The following ATR variants were observed in gnomAD, a reference collection of about 807,000 sequenced individuals.
The protein encoded by ATR is ATR checkpoint kinase.
In ATR, 142 loss-of-function variants were observed where a neutral mutation model predicts 305.3. The observed-to-expected ratio is 0.47, with a 90% CI of 0.41 to 0.53. ATR has a LOEUF of 0.53. Ranked by LOEUF, ATR falls within the 20% of genes least tolerant of loss-of-function variation. The pLI is 0.00. For missense variants in ATR, 2,135 were observed against 3,133.1 expected, an observed-to-expected ratio of 0.68 and a Z score of 7.60; for synonymous variants, 1,050 against 1,068.1, an observed-to-expected ratio of 0.98 and a Z score of 0.33.
intron 36 of ATR, 22 bp downstream of exon 36, chr3:142,485,118 A>C: frequency 6.2e-7 from 1 of 1,613,598 alleles, no homozygotes; most frequent in Non-Finnish European, 8.5e-7. Context: ...TTAATCTGCA[A>C]ACATGCAGTT....
chr3:142,462,144 A>G (rs2071034436), intron 41 of ATR, 54 bp from the exon 42 acceptor site: 1 of 1,495,522 alleles, frequency 6.7e-7, no homozygotes, highest in Non-Finnish European at 9.2e-7. Flanking sequence ...AAATTTCTAA[A>G]TGTTATATCA....
chr3:142,473,941 AT>A (rs141622968), intron 36 of ATR, among the ~76,000 whole-genome samples: 54,803 of 114,656 alleles, frequency 0.48, 10,990 homozygotes, highest in Middle Eastern at 0.55. Flanking sequence ...AAGTTATTGG[AT>A]TTTTTTTTTT....
intron 10 of ATR, 70 bp from the exon 11 acceptor site, chr3:142,554,085 T>C (rs1577685980): frequency 1.5e-6 from 2 of 1,302,750 alleles, no homozygotes; most frequent in South Asian, 2.8e-5. Context: ...AAAAATATTG[T>C]CAACAAATAA....
At chr3:142,472,892 A>G (rs1246473317) in intron 36 of ATR, among the ~76,000 whole-genome samples, 2 of 152,080 alleles carry the variant, frequency 1.3e-5, no homozygotes, top group African/African-American at 4.8e-5. Flanking sequence ...CATCTGCCTG[A>G]GCCTCTCAAA....
chr3:142,508,930 A>AG (rs1219449532), intron 27 of ATR, among the ~76,000 whole-genome samples: 1 of 151,282 alleles, frequency 6.6e-6, no homozygotes, highest in Non-Finnish European at 1.5e-5. Context: ...TATCAAAAAA[A>AG]AAAAAAAAAA....
At chr3:142,470,318 ATT>A (rs2071231917) in intron 36 of ATR, 135 bp from the exon 37 acceptor site, 1 of 743,390 alleles carries the variant, frequency 1.3e-6, no homozygotes, top group African/African-American at 1.8e-5. Flanking sequence ...CCTAGAAGTT[ATT>A]TTTGACTCCT....
At chr3:142,548,146 A>T (rs1358143463) in intron 15 of ATR, among the ~76,000 whole-genome samples, 1 of 152,216 alleles carries the variant, frequency 6.6e-6, no homozygotes, top group Non-Finnish European at 1.5e-5. Context: ...GAAATAAAAT[A>T]TTAAAAAGCA....
At chr3:142,479,186 T>C (rs1200684226) in intron 36 of ATR, among the ~76,000 whole-genome samples, 1 of 152,168 alleles carries the variant, frequency 6.6e-6, no homozygotes, top group African/African-American at 2.4e-5. Context: ...CTAGCATCGA[T>C]GGTCTTTACA....
intron 28 of ATR, among the ~76,000 whole-genome samples, chr3:142,506,223 G>C (rs901891639): frequency 1.3e-5 from 2 of 152,146 alleles, no homozygotes; most frequent in Non-Finnish European, 2.9e-5. Flanking sequence ...GAGATGGGAT[G>C]TATCTAAAGG....
At position 142,561,339 on chromosome 3, in the gene ATR, TC is replaced by T; in HGVS notation, c.1252del (p.Glu418LysfsTer21). 6.2e-7 allele frequency: 1 copy of T among 1,614,112 alleles called. No individual in the cohort carries two copies. Among genetic ancestry groups the T allele is most frequent in the Non-Finnish European group, 8.5e-7 (1 of 1,179,968 alleles). ...TCCATCACTATTACTGCTGAGGTTT[TC>T]CTGTTGAGTTTGGCATTGAATCTCC... is the stretch of plus-strand genomic sequence containing the variant. ...IEEIQCQTQQ[E>X]NLSSNSDGIS... On this transcript the variant is annotated frameshift_variant, in exon 5 of 47. Transcript: ENST00000350721. LOFTEE classifies it high-confidence loss of function.
intron 24 of ATR, among the ~76,000 whole-genome samples, chr3:142,516,639 G>T (rs2032871693): frequency 6.6e-6 from 1 of 152,084 alleles, no homozygotes; most frequent in African/African-American, 2.4e-5. Context: ...TTCCCGCAAT[G>T]AAATCTGTAA....
At chr3:142,532,949 C>G (rs1298669413) in intron 21 of ATR, among the ~76,000 whole-genome samples, 1 of 152,136 alleles carries the variant, frequency 6.6e-6, no homozygotes, top group Non-Finnish European at 1.5e-5. Flanking sequence ...TAGGTTCAAC[C>G]AACTTGTAGA....
Position 142,464,178 on chromosome 3 carries a change from T to A in ATR, c.7041+919A>T, listed in dbSNP as rs112398699. Reference sequence around the variant, plus strand: ...CTTGGCTCTGTCATCTGGGCTAGAGTGCAGTGGCATGATCATAGCTCACTG... The same window carrying A: ...CTTGGCTCTGTCATCTGGGCTAGAGAGCAGTGGCATGATCATAGCTCACTG... On this transcript the variant is annotated intron_variant, in intron 41 of 46. Coordinates refer to ENST00000350721, the MANE Select transcript of ATR (RefSeq NM_001184.4). 6.2e-3 allele frequency among the ~76,000 whole-genome samples: 942 copies of A among 152,264 alleles called. 7 individuals carry two copies. The highest frequency in any genetic ancestry group is 0.024 in the Middle Eastern group (7 of 294).
chr3:142,565,789 C>CACAAAA (rs2035051713), intron 3 of ATR, among the ~76,000 whole-genome samples: 9 of 138,852 alleles, frequency 6.5e-5, no homozygotes, highest in Admixed American at 6.4e-4. Context: ...AAACTTTGTT[C>CACAAAA]ACAAAAACAG....
intron 1 of ATR, among the ~76,000 whole-genome samples, chr3:142,573,313 G>T (rs377739346): frequency 4.7e-4 from 71 of 152,096 alleles, no homozygotes; most frequent in African/African-American, 1.5e-3. Flanking sequence ...CAGGCGTGGT[G>T]GTGGGCGCCT....
At chr3:142,466,252 C>T (rs1051118079) in intron 40 of ATR, 72 bp downstream of exon 40, 4 of 1,455,618 alleles carry the variant, frequency 2.7e-6, no homozygotes, top group Non-Finnish European at 2.9e-6. Flanking sequence ...TTGTGAAATA[C>T]ACTTTTTATC....
intron 36 of ATR, among the ~76,000 whole-genome samples, chr3:142,475,432 C>A (rs368478419): frequency 0.018 from 2,740 of 152,172 alleles, 29 homozygotes; most frequent in South Asian, 0.041. Context: ...TGAACTCATC[C>A]TTTTTTATGG....
intron 15 of ATR, 133 bp from the exon 16 acceptor site, chr3:142,548,043 GA>G: frequency 1.3e-6 from 1 of 775,402 alleles, no homozygotes; most frequent in Non-Finnish European, 2.1e-6. Flanking sequence ...AAGGTATTAA[GA>G]AAAGGCATTG....
intron 45 of ATR, among the ~76,000 whole-genome samples, chr3:142,456,654 C>A (rs1236181337): frequency 2.6e-5 from 4 of 151,934 alleles, no homozygotes; most frequent in African/African-American, 9.7e-5. Context: ...AGATGATCTA[C>A]AAATGGCCAA....
Sources: allele counts gnomAD v4.1 joint callset (sites outside exome capture counted in the v4.1 genomes callset), GRCh38; gene constraint gnomAD v4.1.1; transcripts MANE v1.5; gene names NCBI Gene and HGNC (gene_info 2026-07-23, HGNC 2026-07-21).